The following ZNF320 variants were observed in gnomAD, a reference collection of about 807,000 sequenced individuals.
ZNF320 encodes the protein zinc finger gene 320.
A neutral mutation model predicts 6.8 loss-of-function variants in ZNF320; 2 were observed. The ratio of observed to expected loss-of-function variants is 0.29; its 90% CI spans 0.12 to 0.93. The LOEUF is 0.93. Ranked by LOEUF, ZNF320 falls within the 40% of genes least tolerant of loss-of-function variation. ZNF320 has a pLI of 0.55. For missense variants in ZNF320, 472 were observed against 611.0 expected, an observed-to-expected ratio of 0.77 and a Z score of 2.40; for synonymous variants, 208 against 203.2, an observed-to-expected ratio of 1.02 and a Z score of -0.20.
intron 2 of ZNF320, among the ~76,000 whole-genome samples, chr19:52,892,760 T>C (rs768994708): frequency 5.6e-4 from 84 of 150,852 alleles, no homozygotes; most frequent in Non-Finnish European, 7.8e-4. Flanking sequence ...TATACCTCCC[T>C]GGCCCCACTC....
intron 5 of ZNF320, among the ~76,000 whole-genome samples, chr19:52,865,936 CATATATTTATATATTATACAT>C (rs1196732390): frequency 3.4e-5 from 3 of 87,956 alleles, no homozygotes; most frequent in East Asian, 3.1e-4. Flanking sequence ...TGATTATACA[CATATATTTATATATTATACAT>C]ATATATTTAT....
chr19:52,865,388 C>T (rs900406094), intron 5 of ZNF320: 3 of 309,710 alleles, frequency 9.7e-6, no homozygotes, highest in Non-Finnish European at 1.9e-5. Context: ...CTGTAGTTCT[C>T]CCAAATCACG....
intron 5 of ZNF320, among the ~76,000 whole-genome samples, chr19:52,865,663 ATATATAT>A (rs1373466389): frequency 8.2e-6 from 1 of 122,220 alleles, no homozygotes; most frequent in Admixed American, 9.0e-5. Context: ...ATGATTATAC[ATATATAT>A]TATATGATTA....
chr19:52,869,817 G>T (rs957528673), intron 5 of ZNF320, among the ~76,000 whole-genome samples: 5 of 152,072 alleles, frequency 3.3e-5, no homozygotes, highest in Non-Finnish European at 7.4e-5. Context: ...ATGGTTTCAC[G>T]CCATTCTCCT....
Position 52,880,704 on chromosome 19 carries a change from A to G in ZNF320, c.1422T>C (p.Cys474=), listed in dbSNP as rs140558068. The G allele has an allele frequency of 1.9e-6, 3 of 1,613,836 alleles. No individual in the cohort carries two copies. In the African/African-American group the frequency reaches 4.0e-5, roughly 22 times the overall value. ...TGQKSYKCHQ[C]GKVFSLRSLL... ...GTGACCTCAGACTAAAGACCTTGCCACACTGATGACATTTGTAAGATTTCT... is the reference window on the plus strand; with the variant it reads ...GTGACCTCAGACTAAAGACCTTGCCGCACTGATGACATTTGTAAGATTTCT... The change falls in exon 6 of 6, where the codon TGT becomes TGC. Residue 474 remains cysteine, a synonymous_variant. Transcript: ENST00000682928.
chr19:52,890,146 C>A, intron 4 of ZNF320, 95 bp downstream of exon 4: 1 of 1,540,294 alleles, frequency 6.5e-7, no homozygotes, highest in Non-Finnish European at 8.9e-7. Flanking sequence ...ACCTGTCAGG[C>A]AGGATGCTTC....
In ZNF320 at chr19:52,876,187, A is replaced by G. The variant is rs2063762021; in HGVS notation, c.*4409T>C. 6.6e-6 allele frequency: 1 copy of G among 152,214 alleles called. No individual in the cohort carries two copies. The highest frequency in any genetic ancestry group is 2.4e-5 in the African/African-American group (1 of 41,454). 9.4% of individuals were successfully genotyped at this position (152,214 alleles called of 1,614,324 possible). A position where few individuals can be genotyped will look rare whatever the true frequency, so the allele number is the denominator to read the frequency against. On this transcript the variant is annotated 3_prime_UTR_variant, in exon 6 of 6. Transcript: ENST00000682928. ...GAAGATGGAATAATAGGCTACTTCA[A>G]CTAAATTTTAATGTTAGCATAAAGA... is the stretch of plus-strand genomic sequence containing the variant.
At chr19:52,892,675 ATC>A (rs1271620408) in intron 2 of ZNF320, among the ~76,000 whole-genome samples, 2 of 151,836 alleles carry the variant, frequency 1.3e-5, no homozygotes, top group East Asian at 3.9e-4. Flanking sequence ...ATCATCCTCA[ATC>A]TCTATAGATT....
Position 52,876,428 on chromosome 19 carries a change from A to G in ZNF320, c.*4168T>C, listed in dbSNP as rs1277701778. On this transcript the variant is annotated 3_prime_UTR_variant, in exon 6 of 6. Transcript: ENST00000682928. Reference sequence around the variant, plus strand: ...TCAAAGAAGAACATTTTGAACACATACCGTAGTTGCAAAACAATGATGTTA... The same window carrying G: ...TCAAAGAAGAACATTTTGAACACATGCCGTAGTTGCAAAACAATGATGTTA... 1.3e-5 allele frequency: 2 copies of G among 151,234 alleles called. No homozygotes were observed. Among genetic ancestry groups the G allele is most frequent in the African/African-American group, 4.9e-5 (2 of 40,660 alleles). The allele number at this position is 151,234 out of a possible 1,614,324, so 9.4% of individuals were successfully genotyped here.
intron 5 of ZNF320, among the ~76,000 whole-genome samples, chr19:52,884,462 C>T (rs186916624): frequency 6.6e-5 from 10 of 152,010 alleles, no homozygotes; most frequent in African/African-American, 1.2e-4. Context: ...GGATTATAGG[C>T]GCAAGTCACC....
chr19:52,901,999 CT>C (rs71183853), upstream of ZNF320, among the ~76,000 whole-genome samples: 30 of 146,586 alleles, frequency 2.0e-4, no homozygotes, highest in South Asian at 1.3e-3. Flanking sequence ...ATGAGTTTTT[CT>C]TTTTTTTTTT....
At chr19:52,861,575 G>C (rs2063487174) in exon 6 of ZNF320, among the ~76,000 whole-genome samples, 1 of 152,072 alleles carries the variant, frequency 6.6e-6, no homozygotes, top group African/African-American at 2.4e-5. Context: ...TAACTGCCTT[G>C]GCCTCCCAAA....
At chr19:52,865,759 A>G (rs1473478229) in intron 5 of ZNF320, among the ~76,000 whole-genome samples, 1 of 125,072 alleles carries the variant, frequency 8.0e-6, no homozygotes, top group Non-Finnish European at 1.5e-5. Context: ...ATTTATATAT[A>G]TGATTATACA....
At chr19:52,902,591 G>A (rs902408110), upstream of ZNF320, among the ~76,000 whole-genome samples, 1 of 152,044 alleles carries the variant, frequency 6.6e-6, no homozygotes, top group Non-Finnish European at 1.5e-5. Flanking sequence ...CTTTAGCACC[G>A]ATTTTTATTA....
At chr19:52,884,611 C>T (rs1483009607) in intron 5 of ZNF320, among the ~76,000 whole-genome samples, 1 of 152,106 alleles carries the variant, frequency 6.6e-6, no homozygotes, top group East Asian at 1.9e-4. Context: ...AGCCACTGCG[C>T]CTGGCCCATT....
upstream of ZNF320, chr19:52,897,802 A>C (rs1374206082): frequency 6.6e-6 from 1 of 152,066 alleles, no homozygotes. Context: ...GGGCCTGAAC[A>C]AGGCCGGGGC....
Position 52,868,244 on chromosome 19 carries a change from C to T in ZNF320, c.224-4085G>A, listed in dbSNP as rs55705135. Among the ~76,000 whole-genome samples, 107 of 152,166 alleles carry T rather than the reference C, an allele frequency of 7.0e-4. 1 individual carries two copies. Among genetic ancestry groups the T allele is most frequent in the Admixed American group, 3.7e-3 (57 of 15,258 alleles). On this transcript the variant is annotated intron_variant, in intron 5 of 5. Coordinates refer to the ZNF320 transcript ENST00000673631. Reference sequence around the variant, plus strand: ...GGAGGCATCCAGGCGCAGTGGCTCACGCTTGTAATCCCAACACTTTGGAAG... The same window carrying T: ...GGAGGCATCCAGGCGCAGTGGCTCATGCTTGTAATCCCAACACTTTGGAAG...
At chr19:52,895,836 AAC>A (rs2064454067) in intron 1 of ZNF320, 1 of 151,852 alleles carries the variant, frequency 6.6e-6, no homozygotes, top group Non-Finnish European at 1.5e-5. Flanking sequence ...GAAAAAAAGA[AAC>A]AACCTAAAAT....
chr19:52,873,138 G>A (rs1401737079), downstream of ZNF320, among the ~76,000 whole-genome samples: 2 of 152,034 alleles, frequency 1.3e-5, no homozygotes, highest in Non-Finnish European at 1.5e-5. Flanking sequence ...GGAGACAGAT[G>A]CCTTCCTCTT....
Sources: allele counts gnomAD v4.1 joint callset (sites outside exome capture counted in the v4.1 genomes callset), GRCh38; gene constraint gnomAD v4.1.1; transcripts MANE v1.5; gene names NCBI Gene and HGNC (gene_info 2026-07-23, HGNC 2026-07-21).